SEZ6L: variants seen among roughly 807,000 people sequenced by gnomAD.
The protein encoded by SEZ6L is seizure related 6 homolog like, also known as seizure 6-like protein.
A neutral mutation model predicts 106.2 loss-of-function variants in SEZ6L; 37 were observed. The observed-to-expected ratio is 0.35, with a 90% CI of 0.27 to 0.46. The LOEUF is 0.46. Among genes scored for constraint, SEZ6L ranks in the 20% least tolerant of loss-of-function variants. The pLI is 1.00. For synonymous variants in SEZ6L, 541 were observed against 570.4 expected, an observed-to-expected ratio of 0.95 and a Z score of 0.73; for missense variants, 1,172 against 1,332.8, an observed-to-expected ratio of 0.88 and a Z score of 1.88.
At chr22:26,375,127 C>T (rs746475869) in intron 14 of SEZ6L, among the ~76,000 whole-genome samples, 16 of 152,144 alleles carry the variant, frequency 1.1e-4, no homozygotes, top group African/African-American at 2.7e-4. Context: ...TTCAACTCAA[C>T]GACATACACA....
intron 1 of SEZ6L, among the ~76,000 whole-genome samples, chr22:26,183,205 CTT>C (rs1375023574): frequency 6.6e-6 from 1 of 152,306 alleles, no homozygotes; most frequent in Middle Eastern, 3.4e-3. Flanking sequence ...AGTTGTGACT[CTT>C]TTATTCTTTC....
intron 6 of SEZ6L, among the ~76,000 whole-genome samples, chr22:26,307,043 G>A (rs527562329): frequency 2.0e-5 from 3 of 152,300 alleles, no homozygotes; most frequent in Non-Finnish European, 2.9e-5. Context: ...TACCAGCTGC[G>A]TTAATAAGCG....
intron 1 of SEZ6L, among the ~76,000 whole-genome samples, chr22:26,211,330 G>A (rs1050481716): frequency 5.9e-5 from 9 of 152,176 alleles, no homozygotes; most frequent in African/African-American, 1.9e-4. Flanking sequence ...TGCTAATGGT[G>A]TTGGCCAAAC....
chr22:26,193,434 G>C (rs570197388), intron 1 of SEZ6L, among the ~76,000 whole-genome samples: 90 of 152,320 alleles, frequency 5.9e-4, no homozygotes, highest in African/African-American at 2.1e-3. Context: ...ACAGACCAAT[G>C]GCTGACCCTG....
rs1363880967 is a variant in SEZ6L, at chr22:26,169,518, C to T, written c.-152C>T. 5.4e-6 allele frequency: 2 copies of T among 367,144 alleles called. No homozygotes were observed. Among genetic ancestry groups the T allele is most frequent in the South Asian group, 2.4e-4 (2 of 8,436 alleles). 22.7% of individuals were successfully genotyped at this position (367,144 alleles called of 1,614,324 possible). A position where few individuals can be genotyped will look rare whatever the true frequency, so the allele number is the denominator to read the frequency against. On this transcript the variant is annotated 5_prime_UTR_variant, in exon 1 of 17. Transcript: ENST00000248933. The stretch of plus-strand genomic sequence containing the variant: ...CAGAGCGACCGCGGGGCTGAGCGCG[C>T]GTCCGCCCAGGGGGCTCCGGAAGCT...
At chr22:26,294,238 T>C (rs2081226706) in intron 2 of SEZ6L, 54 bp from the exon 3 acceptor site, 1 of 1,597,614 alleles carries the variant, frequency 6.3e-7, no homozygotes, top group Non-Finnish European at 8.6e-7. Context: ...CAGCCCATGG[T>C]TGAGCTTACA....
rs1346037864 is a variant in SEZ6L at position 26,294,930 on chromosome 22, TTTC to T, written c.969+507_969+509del. On this transcript the variant is annotated intron_variant, in intron 3 of 16. Coordinates refer to ENST00000248933, the MANE Select transcript of SEZ6L (RefSeq NM_021115.5). ...CTTCCTGCTTTCTTGCTTCTTTCTC[TTTC>T]TCTTTCTTTCTTTCTTTCTTTCTTT... is the stretch of plus-strand genomic sequence containing the variant. Among the ~76,000 whole-genome samples the T allele has an allele frequency of 2.0e-3, 276 of 136,970 alleles. 6 individuals carry two copies. The highest frequency in any genetic ancestry group is 7.3e-3 in the African/African-American group (261 of 35,538). The allele number at this position is 136,970 out of a possible 152,430, so 89.9% of individuals were successfully genotyped here. A position where few individuals can be genotyped will look rare whatever the true frequency, so the allele number is the denominator to read the frequency against.
chr22:26,249,052 A>G (rs1368374154), intron 1 of SEZ6L, among the ~76,000 whole-genome samples: 1 of 152,228 alleles, frequency 6.6e-6, no homozygotes, highest in Non-Finnish European at 1.5e-5. Context: ...TTTAATTGAC[A>G]TATAATAATC....
At chr22:26,221,766 A>G (rs968708421) in intron 1 of SEZ6L, among the ~76,000 whole-genome samples, 1 of 150,814 alleles carries the variant, frequency 6.6e-6, no homozygotes, top group African/African-American at 2.5e-5. Flanking sequence ...ACACACACAC[A>G]CACACACTCC....
chr22:26,188,622 T>C (rs1365182015), intron 1 of SEZ6L, among the ~76,000 whole-genome samples: 1 of 152,222 alleles, frequency 6.6e-6, no homozygotes, highest in Non-Finnish European at 1.5e-5. Flanking sequence ...ACTGAGCGGG[T>C]ACTATGCTAG....
chr22:26,220,427 C>A (rs760120243), intron 1 of SEZ6L, among the ~76,000 whole-genome samples: 3 of 152,172 alleles, frequency 2.0e-5, no homozygotes, highest in Non-Finnish European at 4.4e-5. Flanking sequence ...GGCAGAGCAG[C>A]TGTTGTGTCC....
intron 1 of SEZ6L, among the ~76,000 whole-genome samples, chr22:26,234,880 T>G (rs1306734142): frequency 6.6e-6 from 1 of 152,214 alleles, no homozygotes; most frequent in Non-Finnish European, 1.5e-5. Flanking sequence ...GAAGGCTACC[T>G]GGAAGAGGTG....
chr22:26,258,233 T>G (rs932363830), intron 1 of SEZ6L, among the ~76,000 whole-genome samples: 5 of 152,108 alleles, frequency 3.3e-5, no homozygotes, highest in Admixed American at 1.3e-4. Context: ...ATTCAACAGG[T>G]GCTCCCCGAG....
chr22:26,365,650 A>G (rs914743129), intron 13 of SEZ6L, 84 bp downstream of exon 13: 13 of 1,310,318 alleles, frequency 9.9e-6, no homozygotes, highest in Non-Finnish European at 1.4e-5. Context: ...AACTTGCTCT[A>G]AAAAATTGGA....
chr22:26,312,400 T>G (rs2081866443), intron 8 of SEZ6L, among the ~76,000 whole-genome samples: 1 of 152,200 alleles, frequency 6.6e-6, no homozygotes, highest in Non-Finnish European at 1.5e-5. Context: ...CATAGCCTTA[T>G]AAAGTAGATT....
chr22:26,275,829 C>T lies in SEZ6L; in HGVS notation c.95-16577C>T, dbSNP rs566652015. On this transcript the variant is annotated intron_variant, in intron 1 of 16. Coordinates refer to ENST00000248933, the MANE Select transcript of SEZ6L (RefSeq NM_021115.5). ...GTGTCCTCCTTCATCCCCAGGACTC[C>T]TACCCTGAGGAGTCACTGGGGACCT... 4.6e-5 allele frequency among the ~76,000 whole-genome samples: 7 copies of T among 152,334 alleles called. No homozygotes were observed. In the South Asian group the frequency reaches 1.5e-3, roughly 32 times the overall value.
chr22:26,198,721 G>C (rs901922650), intron 1 of SEZ6L, among the ~76,000 whole-genome samples: 2 of 152,230 alleles, frequency 1.3e-5, no homozygotes, highest in Non-Finnish European at 2.9e-5. Flanking sequence ...GGCCTCGCTA[G>C]TTCCCTGGAG....
Position 26,169,661 on chromosome 22 carries a change from G to A in SEZ6L, c.-9G>A. On this transcript the variant is annotated 5_prime_UTR_variant, in exon 1 of 17. Coordinates refer to ENST00000248933, the MANE Select transcript of SEZ6L (RefSeq NM_021115.5). ...CACAGCCAGCGGCTCCGCGCCCCCT[G>A]CAGCCACGATGCCCGCGGCCCGGCC... 8.1e-7 allele frequency: 1 copy of A among 1,234,686 alleles called. No individual in the cohort carries two copies. The highest frequency in any genetic ancestry group is 3.0e-4 in the Middle Eastern group (1 of 3,328). 76.5% of individuals were successfully genotyped at this position (1,234,686 alleles called of 1,614,324 possible).
intron 1 of SEZ6L, among the ~76,000 whole-genome samples, chr22:26,237,456 A>G (rs548355759): frequency 6.6e-6 from 1 of 152,324 alleles, no homozygotes; most frequent in African/African-American, 2.4e-5. Flanking sequence ...CTGGCAAGTT[A>G]TTTCACCTCT....
Sources: allele counts gnomAD v4.1 joint callset (sites outside exome capture counted in the v4.1 genomes callset), GRCh38; gene constraint gnomAD v4.1.1; transcripts MANE v1.5; gene names NCBI Gene and HGNC (gene_info 2026-07-23, HGNC 2026-07-21).